The following ABHD18 variants were observed in gnomAD, a reference collection of about 807,000 sequenced individuals.
ABHD18 encodes cardiolipin-specific deacylase, mitochondrial.
Under a neutral mutation model 65.9 loss-of-function variants are expected in ABHD18, and 55 were observed. The observed-to-expected ratio is 0.84, with a 90% CI of 0.67 to 1.05. The LOEUF (loss-of-function observed/expected upper bound fraction) is 1.05. Ranked by LOEUF, ABHD18 falls within the 50% of genes least tolerant of loss-of-function variation. The pLI is 0.00. For synonymous variants in ABHD18, 181 were observed against 180.2 expected (o/e 1.00, Z -0.04); for missense variants, 533 against 558.5 (o/e 0.95, Z 0.46).
chr4:127,992,793 C>T (rs1287264426), intron 4 of ABHD18, among the ~76,000 whole-genome samples: 2 of 152,070 alleles, frequency 1.3e-5, no homozygotes, highest in Non-Finnish European at 2.9e-5. Context: ...ATCCTCCTGC[C>T]TTTGCTCCCC....
chr4:128,008,261 CTTTTTTT>C (rs1167728243), intron 4 of ABHD18, among the ~76,000 whole-genome samples: 9 of 97,780 alleles, frequency 9.2e-5, no homozygotes, highest in Non-Finnish European at 1.4e-4. Flanking sequence ...GACTCCGTTC[CTTTTTTT>C]TTTTTTTTTT....
At chr4:127,979,169 C>G (rs1579158906) in intron 1 of ABHD18, among the ~76,000 whole-genome samples, 1 of 152,240 alleles carries the variant, frequency 6.6e-6, no homozygotes, top group South Asian at 2.1e-4. Context: ...GATCTGTATA[C>G]CCTGAATTTG....
At chr4:128,014,859 C>T (rs958620063) in intron 7 of ABHD18, among the ~76,000 whole-genome samples, 1 of 152,064 alleles carries the variant, frequency 6.6e-6, no homozygotes, top group Non-Finnish European at 1.5e-5. Flanking sequence ...AGGTGGATCA[C>T]CTGAGGTGAG....
At chr4:127,977,931 T>C (rs1748273359) in intron 1 of ABHD18, among the ~76,000 whole-genome samples, 1 of 152,018 alleles carries the variant, frequency 6.6e-6, no homozygotes, top group African/African-American at 2.4e-5. Flanking sequence ...AGAAAATAAA[T>C]AAAACTGGAT....
At chr4:127,965,687 C>T in intron 1 of ABHD18, 81 bp downstream of exon 1, 1 of 173,238 alleles carries the variant, frequency 5.8e-6, no homozygotes. Flanking sequence ...CGCCTGGAGG[C>T]AGGGACCGGG....
In ABHD18 at chr4:128,017,433, C is replaced by T. The variant is rs1173516874; in HGVS notation, c.541C>T (p.Leu181Phe). The part of the protein sequence containing the change: ...GGALVLESAA[L>F]LHWLEREGYG... Reference sequence around the variant, plus strand: ...AGCTCTTGTTTTAGAATCTGCAGCTCTCTTGCACTGGCTAGAGAGGGAAGG... The same window carrying T: ...AGCTCTTGTTTTAGAATCTGCAGCTTTCTTGCACTGGCTAGAGAGGGAAGG... Residue 181 changes from leucine to phenylalanine, a missense_variant, in exon 8 of 13, where the codon CTC becomes TTC. By Grantham distance (22) the Leu-to-Phe change is conservative (BLOSUM62 0). Coordinates refer to ENST00000645843, the MANE Select transcript of ABHD18 (RefSeq NM_001358451.3). 1.9e-6 allele frequency: 3 copies of T among 1,613,784 alleles called. No homozygotes were observed. In the Admixed American group the frequency reaches 5.0e-5, roughly 27 times the overall value.
Position 128,020,100 on chromosome 4 carries a change from C to A in ABHD18, c.630C>A (p.Ser210=). The change falls in exon 9 of 13, where the codon TCC becomes TCA. Residue 210 remains serine, a synonymous_variant. Coordinates refer to ENST00000645843, the MANE Select transcript of ABHD18 (RefSeq NM_001358451.3). The stretch of plus-strand genomic sequence containing the variant: ...TACAGATGGCTTCCTTAGCGGTATC[C>A]AACTGGCCTAAGCCCATGCCATTGA... The part of the protein sequence containing the change: ...MGGHMASLAV[S]NWPKPMPLIP... 6.2e-7 allele frequency: 1 copy of A among 1,612,940 alleles called. No individual in the cohort carries two copies. Among genetic ancestry groups the A allele is most frequent in the Non-Finnish European group, 8.5e-7 (1 of 1,179,252 alleles).
At chr4:128,026,413 C>G (rs1050644889) in intron 10 of ABHD18, among the ~76,000 whole-genome samples, 1 of 151,176 alleles carries the variant, frequency 6.6e-6, no homozygotes, top group East Asian at 1.9e-4. Context: ...GAGCTGAAAT[C>G]GTGCCATTGC....
intron 6 of ABHD18, among the ~76,000 whole-genome samples, chr4:128,010,904 CAA>C (rs35809796): frequency 1.2e-4 from 8 of 65,296 alleles, no homozygotes; most frequent in Non-Finnish European, 1.9e-4. Flanking sequence ...GACTGCGCCT[CAA>C]AAAAAAAAAA....
In ABHD18 at chr4:128,039,201, G is replaced by A. The variant is rs889183518; in HGVS notation, c.*3388G>A. 5.1e-5 allele frequency: 7 copies of A among 137,438 alleles called. No individual in the cohort carries two copies. Among genetic ancestry groups the A allele is most frequent in the South Asian group, 2.3e-4 (1 of 4,412 alleles). The allele number at this position is 137,438 out of a possible 1,614,324, so 8.5% of individuals were successfully genotyped here. ...TATATATATAATCTCAAAGAAGTGC[G>A]GTCTGCCATTTATCTGCCATTTTGA... is the stretch of plus-strand genomic sequence containing the variant. On this transcript the variant is annotated 3_prime_UTR_variant, in exon 13 of 13. Coordinates refer to ENST00000645843, the MANE Select transcript of ABHD18 (RefSeq NM_001358451.3).
At position 128,038,338 on chromosome 4, in the gene ABHD18, C is replaced by T. The variant is rs770959196; in HGVS notation, c.*2525C>T. On this transcript the variant is annotated 3_prime_UTR_variant, in exon 13 of 13. Transcript: ENST00000645843. ...AAAATAAAACTTGTCAACTGAATTA[C>T]GATTTTCTTATATTATGTATATAGT... 1.3e-5 allele frequency: 2 copies of T among 152,070 alleles called. No homozygotes were observed. Among genetic ancestry groups the T allele is most frequent in the African/African-American group, 2.4e-5 (1 of 41,418 alleles). 9.4% of individuals were successfully genotyped at this position (152,070 alleles called of 1,614,324 possible). A position where few individuals can be genotyped will look rare whatever the true frequency, so the allele number is the denominator to read the frequency against.
intron 1 of ABHD18, among the ~76,000 whole-genome samples, chr4:127,974,860 G>T (rs1747581917): frequency 6.6e-6 from 1 of 151,910 alleles, no homozygotes; most frequent in Non-Finnish European, 1.5e-5. Flanking sequence ...GCTGGGTGTG[G>T]TGGTTGTCGC....
intron 1 of ABHD18, among the ~76,000 whole-genome samples, chr4:127,979,915 C>CAAA (rs59944314): frequency 0.035 from 2,313 of 66,342 alleles, 138 homozygotes; most frequent in East Asian, 0.28. Context: ...GACTCCATCT[C>CAAA]AAAAAAAAAA....
chr4:127,995,893 A>C (rs1165214266), intron 4 of ABHD18, among the ~76,000 whole-genome samples: 1 of 152,224 alleles, frequency 6.6e-6, no homozygotes, highest in Non-Finnish European at 1.5e-5. Context: ...GGCTATAAAA[A>C]ATTCTTTGTA....
chr4:128,003,041 A>G (rs1197095698), intron 4 of ABHD18, among the ~76,000 whole-genome samples: 1 of 152,138 alleles, frequency 6.6e-6, no homozygotes, highest in Non-Finnish European at 1.5e-5. Context: ...TTATTCTTCT[A>G]GTCTTCACCT....
At chr4:128,005,496 T>C (rs1753447202) in intron 4 of ABHD18, among the ~76,000 whole-genome samples, 1 of 152,182 alleles carries the variant, frequency 6.6e-6, no homozygotes, top group Non-Finnish European at 1.5e-5. Context: ...AGGGTCTCAC[T>C]CTGTCACCTA....
chr4:127,999,419 C>T (rs1377338210), intron 4 of ABHD18, among the ~76,000 whole-genome samples: 1 of 152,086 alleles, frequency 6.6e-6, no homozygotes, highest in Non-Finnish European at 1.5e-5. Context: ...TATTTAAAAA[C>T]AAAACAATGA....
intron 12 of ABHD18, among the ~76,000 whole-genome samples, chr4:128,034,526 T>C (rs1293251686): frequency 6.6e-6 from 1 of 151,930 alleles, no homozygotes; most frequent in Non-Finnish European, 1.5e-5. Flanking sequence ...CGTGCTATGA[T>C]TGCACCTGAG....
At chr4:128,007,861 T>C (rs1408243482) in intron 4 of ABHD18, among the ~76,000 whole-genome samples, 1 of 152,154 alleles carries the variant, frequency 6.6e-6, no homozygotes, top group South Asian at 2.1e-4. Flanking sequence ...TTCTATCATA[T>C]ACTAAAAGTT....
Sources: gnomAD v4.1 joint callset for allele counts (sites outside exome capture counted in the v4.1 genomes callset) on GRCh38, gnomAD v4.1.1 for gene constraint, MANE v1.5 for transcripts, NCBI Gene and HGNC (gene_info 2026-07-23, HGNC 2026-07-21) for gene names.